Variants in ATRNL1 observed in about 807,000 individuals in gnomAD.
ATRNL1 encodes attractin like 1.
In ATRNL1, 95 loss-of-function variants were observed where a neutral mutation model predicts 182.7. That is an observed-to-expected ratio of 0.52 (90% CI 0.44 to 0.62). The LOEUF (loss-of-function observed/expected upper bound fraction) is 0.62. Among genes scored for constraint, ATRNL1 ranks in the 20% least tolerant of loss-of-function variants. The pLI is 0.00. For synonymous variants in ATRNL1, 576 were observed against 568.3 expected (o/e 1.01, Z -0.19); for missense variants, 1,471 against 1,679.5 (o/e 0.88, Z 2.17).
intron 24 of ATRNL1, among the ~76,000 whole-genome samples, chr10:115,478,006 C>A (rs1554973500): frequency 6.6e-6 from 1 of 151,622 alleles, no homozygotes. Context: ...GGTTCTAAGT[C>A]AAACTACTAC....
intron 26 of ATRNL1, among the ~76,000 whole-genome samples, chr10:115,610,780 C>T (rs1452858892): frequency 6.6e-6 from 1 of 152,088 alleles, no homozygotes; most frequent in Non-Finnish European, 1.5e-5. Flanking sequence ...AATAGGATTG[C>T]ATGTCAAAGT....
In ATRNL1 at chr10:115,119,143, A is replaced by T. The variant is rs375460198; in HGVS notation, c.294-1042A>T. Among the ~76,000 whole-genome samples, 12 of 152,158 alleles carry T rather than the reference A, an allele frequency of 7.9e-5. No individual in the cohort carries two copies. In the East Asian group the frequency reaches 2.3e-3, roughly 29 times the overall value. On this transcript the variant is annotated intron_variant, in intron 1 of 28. Transcript: ENST00000355044. Reference sequence around the variant, plus strand: ...ATTTGTTGCTCTTCAAAGATTTTCCAAGCATGAATTAGCCACTTTATTACA... The same window carrying T: ...ATTTGTTGCTCTTCAAAGATTTTCCTAGCATGAATTAGCCACTTTATTACA...
At chr10:115,323,421 TCCCC>T (rs1854692315) in intron 18 of ATRNL1, among the ~76,000 whole-genome samples, 2 of 32,404 alleles carry the variant, frequency 6.2e-5, no homozygotes, top group African/African-American at 1.0e-4. Flanking sequence ...TCCCCTCCCC[TCCCC>T]TCCCCTCCCC....
chr10:115,426,120 G>C, intron 20 of ATRNL1, 130 bp from the exon 21 acceptor site: 2 of 615,308 alleles, frequency 3.3e-6, no homozygotes, highest in Non-Finnish European at 5.4e-6. Context: ...ATGTGTTTTT[G>C]AAATTTCAAA....
chr10:115,147,293 T>C (rs1200238489), intron 5 of ATRNL1, among the ~76,000 whole-genome samples: 1 of 152,132 alleles, frequency 6.6e-6, no homozygotes, highest in African/African-American at 2.4e-5. Context: ...GACTTCATGA[T>C]CTTTGCTCAC....
chr10:115,546,053 T>C (rs181564753), intron 25 of ATRNL1, among the ~76,000 whole-genome samples: 324 of 152,310 alleles, frequency 2.1e-3, no homozygotes, highest in Non-Finnish European at 3.6e-3. Flanking sequence ...AGGTAATTCA[T>C]GTAAAACACT....
chr10:115,786,692 T>C (rs1949404571), intron 27 of ATRNL1, among the ~76,000 whole-genome samples: 1 of 152,196 alleles, frequency 6.6e-6, no homozygotes, highest in Non-Finnish European at 1.5e-5. Flanking sequence ...ACAAGAATTT[T>C]AAAGGGGACA....
At chr10:115,705,518 C>T (rs1555052805) in intron 26 of ATRNL1, among the ~76,000 whole-genome samples, 2 of 151,850 alleles carry the variant, frequency 1.3e-5, no homozygotes, top group African/African-American at 4.8e-5. Context: ...TAGCTCCTTG[C>T]TTTGGTTAAT....
chr10:115,790,949 A>G (rs141554666), intron 27 of ATRNL1, among the ~76,000 whole-genome samples: 1 of 152,326 alleles, frequency 6.6e-6, no homozygotes, highest in African/African-American at 2.4e-5. Flanking sequence ...CAGTTCCTAT[A>G]TGATTTATGT....
At chr10:115,298,268 A>G (rs1554923330) in intron 15 of ATRNL1, among the ~76,000 whole-genome samples, 1 of 152,176 alleles carries the variant, frequency 6.6e-6, no homozygotes, top group African/African-American at 2.4e-5. Flanking sequence ...AGAAATGGCT[A>G]ATGAAATGTT....
At chr10:115,292,431 C>T in intron 15 of ATRNL1, among the ~76,000 whole-genome samples, 1 of 148,560 alleles carries the variant, frequency 6.7e-6, no homozygotes, top group African/African-American at 2.5e-5. Flanking sequence ...TTTGCTAATT[C>T]TTTGTGATGC....
intron 26 of ATRNL1, among the ~76,000 whole-genome samples, chr10:115,612,060 G>C (rs1857189072): frequency 6.6e-6 from 1 of 152,134 alleles, no homozygotes; most frequent in African/African-American, 2.4e-5. Context: ...AGACCAGCCT[G>C]GCCTACATGG....
At chr10:115,599,721 T>C (rs1856481794) in intron 26 of ATRNL1, among the ~76,000 whole-genome samples, 1 of 152,172 alleles carries the variant, frequency 6.6e-6, no homozygotes, top group Non-Finnish European at 1.5e-5. Flanking sequence ...TAGTTTTGAC[T>C]TAGTTGTATC....
At chr10:115,107,382 A>G (rs1212035830) in intron 1 of ATRNL1, among the ~76,000 whole-genome samples, 2 of 152,220 alleles carry the variant, frequency 1.3e-5, no homozygotes, top group African/African-American at 4.8e-5. Flanking sequence ...CAGAACAAAC[A>G]ATGTTAAATC....
At chr10:115,228,427 T>C (rs1849785669) in intron 9 of ATRNL1, among the ~76,000 whole-genome samples, 2 of 152,210 alleles carry the variant, frequency 1.3e-5, no homozygotes, top group East Asian at 1.9e-4. Flanking sequence ...ATTGGGGTCA[T>C]TGTGATCTTC....
intron 15 of ATRNL1, among the ~76,000 whole-genome samples, chr10:115,292,662 T>C (rs1852975926): frequency 6.6e-6 from 1 of 152,156 alleles, no homozygotes; most frequent in Non-Finnish European, 1.5e-5. Context: ...TTTATTCACA[T>C]TGTTTTGAAT....
At chr10:115,316,308 G>A (rs186079466) in intron 18 of ATRNL1, among the ~76,000 whole-genome samples, 37 of 152,254 alleles carry the variant, frequency 2.4e-4, no homozygotes, top group Non-Finnish European at 4.6e-4. Flanking sequence ...TTATGGCTAT[G>A]CAGTATTCCA....
intron 25 of ATRNL1, among the ~76,000 whole-genome samples, chr10:115,524,932 T>C (rs1306698040): frequency 6.6e-6 from 1 of 152,224 alleles, no homozygotes; most frequent in Non-Finnish European, 1.5e-5. Flanking sequence ...AAATGTCTGC[T>C]TATTCCTCCT....
chr10:115,105,429 C>A (rs782095912), intron 1 of ATRNL1, among the ~76,000 whole-genome samples: 11 of 152,158 alleles, frequency 7.2e-5, no homozygotes, highest in Non-Finnish European at 1.5e-4. Context: ...AAGAAAATCC[C>A]ATTTTCTGAG....
Sources: gnomAD v4.1 joint callset for allele counts (sites outside exome capture counted in the v4.1 genomes callset) on GRCh38, gnomAD v4.1.1 for gene constraint, MANE v1.5 for transcripts, NCBI Gene and HGNC (gene_info 2026-07-23, HGNC 2026-07-21) for gene names.